The following PLCL1 variants were observed in gnomAD, a reference collection of about 807,000 sequenced individuals.
PLCL1 encodes inactive phospholipase C-like protein 1.
Under a neutral mutation model 84.4 loss-of-function variants are expected in PLCL1, and 41 were observed. That is an observed-to-expected ratio of 0.49 (90% CI 0.38 to 0.63). PLCL1 has a LOEUF of 0.63. PLCL1 is among the 30% of genes least tolerant of loss of function. PLCL1 has a pLI of 0.00. For missense variants in PLCL1, 1,206 were observed against 1,367.8 expected, an observed-to-expected ratio of 0.88 and a Z score of 1.87; for synonymous variants, 490 against 488.3, an observed-to-expected ratio of 1.00 and a Z score of -0.05.
At chr2:198,106,449 G>A (rs1040297621) in intron 5 of PLCL1, among the ~76,000 whole-genome samples, 16 of 151,896 alleles carry the variant, frequency 1.1e-4, no homozygotes, top group African/African-American at 3.6e-4. Flanking sequence ...GAGGGGGATG[G>A]ATAAGGCATC....
intron 5 of PLCL1, among the ~76,000 whole-genome samples, chr2:198,130,773 C>T (rs1451087726): frequency 1.3e-5 from 2 of 152,056 alleles, no homozygotes; most frequent in African/African-American, 4.8e-5. Flanking sequence ...GGTCAACCTC[C>T]TTAATACCTC....
intron 1 of PLCL1, among the ~76,000 whole-genome samples, chr2:198,040,094 A>G (rs765898871): frequency 6.6e-6 from 1 of 152,200 alleles, no homozygotes; most frequent in Non-Finnish European, 1.5e-5. Flanking sequence ...CAAAAGTAGA[A>G]TGGTTGCAAC....
At chr2:198,097,758 C>G (rs1482952652) in intron 3 of PLCL1, among the ~76,000 whole-genome samples, 1 of 152,166 alleles carries the variant, frequency 6.6e-6, no homozygotes, top group Non-Finnish European at 1.5e-5. Flanking sequence ...CATTACAAAT[C>G]AGGCTTGCAA....
chr2:197,810,694 G>A (rs1403329024), intron 1 of PLCL1, among the ~76,000 whole-genome samples: 3 of 152,164 alleles, frequency 2.0e-5, no homozygotes, highest in African/African-American at 7.2e-5. Flanking sequence ...ACTGCTTCTA[G>A]GCAATGCCAC....
At chr2:197,956,494 A>G (rs1183091769) in intron 1 of PLCL1, among the ~76,000 whole-genome samples, 1 of 152,210 alleles carries the variant, frequency 6.6e-6, no homozygotes, top group Non-Finnish European at 1.5e-5. Context: ...AGGAATCGCC[A>G]CATTTTCTTC....
intron 1 of PLCL1, among the ~76,000 whole-genome samples, chr2:197,824,315 C>T (rs935306827): frequency 1.3e-5 from 2 of 151,770 alleles, no homozygotes. Flanking sequence ...TTGAATTTTG[C>T]TTTTTACTGA....
chr2:198,022,242 A>G lies in PLCL1; in HGVS notation c.241-61516A>G, dbSNP rs546337515. ...TATTTGTGGAACATATCTCAATATA[A>G]TAAGAGCTATTTATGACAAACCCAC... On this transcript the variant is annotated intron_variant, in intron 1 of 5. Coordinates refer to ENST00000428675, the MANE Select transcript of PLCL1 (RefSeq NM_006226.4). 2.0e-5 allele frequency among the ~76,000 whole-genome samples: 3 copies of G among 152,326 alleles called. No individual in the cohort carries two copies. In the South Asian group the frequency reaches 6.2e-4, roughly 32 times the overall value.
In PLCL1 at chr2:198,147,102, A is replaced by G; in HGVS notation, c.*140A>G. The G allele has an allele frequency of 1.6e-6, 1 of 623,126 alleles. No homozygotes were observed. The highest frequency in any genetic ancestry group is 2.7e-6 in the Non-Finnish European group (1 of 367,808). The allele number at this position is 623,126 out of a possible 1,614,324, so 38.6% of individuals were successfully genotyped here. On this transcript the variant is annotated 3_prime_UTR_variant, in exon 6 of 6. Transcript: ENST00000428675. Reference sequence around the variant, plus strand: ...TGGACATAGATATTTTCACAATGTCAGTATTTCAGTGTAGTTAATTTATCT... The same window carrying G: ...TGGACATAGATATTTTCACAATGTCGGTATTTCAGTGTAGTTAATTTATCT...
At chr2:197,901,964 T>C (rs1688276350) in intron 1 of PLCL1, among the ~76,000 whole-genome samples, 1 of 152,128 alleles carries the variant, frequency 6.6e-6, no homozygotes, top group African/African-American at 2.4e-5. Context: ...GCACTTCTTA[T>C]CAAACAAGTA....
chr2:197,835,276 C>G (rs901517554), intron 1 of PLCL1, among the ~76,000 whole-genome samples: 5 of 152,054 alleles, frequency 3.3e-5, no homozygotes, highest in Non-Finnish European at 7.4e-5. Flanking sequence ...CTCATGTATC[C>G]TAGAACATAA....
At position 198,148,398 on chromosome 2, in the gene PLCL1, A is replaced by C. The variant is rs1052804006; in HGVS notation, c.*1436A>C. 6.6e-6 allele frequency: 1 copy of C among 152,376 alleles called. No homozygotes were observed. Among genetic ancestry groups the C allele is most frequent in the African/African-American group, 2.4e-5 (1 of 41,570 alleles). The allele number at this position is 152,376 out of a possible 1,614,324, so 9.4% of individuals were successfully genotyped here. ...ACATTACTGAAAGAGTAAAGATATG[A>C]AAAAAACACTTATTGTTTTCTTTTA... On this transcript the variant is annotated 3_prime_UTR_variant, in exon 6 of 6. Coordinates refer to ENST00000428675, the MANE Select transcript of PLCL1 (RefSeq NM_006226.4).
rs373158565 is a variant in PLCL1 at position 197,805,490 on chromosome 2, G to T, written c.240+151G>T. On this transcript the variant is annotated intron_variant, in intron 1 of 5. Transcript: ENST00000428675. This position sits in a 1 kb window ranked among gnomAD's most constrained non-coding sequence, Gnocchi z 4.0. ...CCAAACCTTCCTTCCTTATCCGGAG[G>T]TTCCCAGACTCAGCTGTCAGCCACG... Among the ~76,000 whole-genome samples the T allele has an allele frequency of 2.0e-5, 3 of 152,154 alleles. No individual in the cohort carries two copies. In the South Asian group the frequency reaches 6.2e-4, roughly 32 times the overall value.
At chr2:197,819,176 G>A (rs961097610) in intron 1 of PLCL1, among the ~76,000 whole-genome samples, 4 of 152,010 alleles carry the variant, frequency 2.6e-5, no homozygotes, top group Non-Finnish European at 2.9e-5. Flanking sequence ...GAGAGACCTC[G>A]GCTTCATTTC....
chr2:198,116,968 C>T (rs1693762037), intron 5 of PLCL1, among the ~76,000 whole-genome samples: 1 of 151,752 alleles, frequency 6.6e-6, no homozygotes, highest in Admixed American at 6.6e-5. Flanking sequence ...CAATGTATTC[C>T]AGGGAAAAAA....
chr2:198,117,183 C>T (rs1693765807), intron 5 of PLCL1, among the ~76,000 whole-genome samples: 2 of 151,846 alleles, frequency 1.3e-5, no homozygotes, highest in Non-Finnish European at 1.5e-5. Context: ...GAAAGTTGAG[C>T]TCCTTTTCTT....
chr2:197,922,839 C>T (rs371858485), intron 1 of PLCL1, among the ~76,000 whole-genome samples: 9 of 129,660 alleles, frequency 6.9e-5, no homozygotes, highest in South Asian at 2.6e-4. Flanking sequence ...CCTCACTTCC[C>T]AGTAGGGGCG....
chr2:197,815,380 G>C (rs563617079), intron 1 of PLCL1, among the ~76,000 whole-genome samples: 1 of 152,126 alleles, frequency 6.6e-6, no homozygotes, highest in South Asian at 2.1e-4. Context: ...CTACTGCTCA[G>C]AAAAAAACAT....
chr2:197,947,237 A>ATATATATATATATATATAT (rs1689294732), intron 1 of PLCL1, among the ~76,000 whole-genome samples: 2 of 142,746 alleles, frequency 1.4e-5, no homozygotes, highest in African/African-American at 2.6e-5. Context: ...TGCTTAGATA[A>ATATATATATATATATATAT]ATATATATAT....
At chr2:198,104,194 C>T (rs1693414242) in intron 5 of PLCL1, among the ~76,000 whole-genome samples, 1 of 151,862 alleles carries the variant, frequency 6.6e-6, no homozygotes, top group African/African-American at 2.4e-5. Flanking sequence ...CTCCTCCCAC[C>T]CTCCATCCTC....
Sources: allele counts gnomAD v4.1 joint callset (sites outside exome capture counted in the v4.1 genomes callset), GRCh38; gene constraint gnomAD v4.1.1; non-coding constraint Gnocchi (gnomAD v3.1); transcripts MANE v1.5; gene names NCBI Gene and HGNC (gene_info 2026-07-23, HGNC 2026-07-21).